The following GRID2 variants were observed in gnomAD, a reference collection of about 807,000 sequenced individuals.
GRID2 encodes glutamate receptor ionotropic, delta-2.
In GRID2, 33 loss-of-function variants were observed where a neutral mutation model predicts 114.8. The ratio of observed to expected loss-of-function variants is 0.29; its 90% CI spans 0.22 to 0.38. The LOEUF (loss-of-function observed/expected upper bound fraction) is 0.38, where lower values mean the gene tolerates loss of function less well. Among genes scored for constraint, GRID2 ranks in the 10% least tolerant of loss-of-function variants. GRID2 has a pLI of 1.00. For missense variants in GRID2, 1,184 were observed against 1,257.7 expected (o/e 0.94, Z 0.89); for synonymous variants, 505 against 449.9 (o/e 1.12, Z -1.55).
chr4:93,584,821 CA>C (rs960323232), intron 13 of GRID2, among the ~76,000 whole-genome samples: 3 of 151,812 alleles, frequency 2.0e-5, no homozygotes, highest in Non-Finnish European at 4.4e-5. Flanking sequence ...GATTAGGAAA[CA>C]AAAATCAGTC....
intron 2 of GRID2, among the ~76,000 whole-genome samples, chr4:92,746,241 C>T (rs1416155016): frequency 6.6e-6 from 1 of 152,084 alleles, no homozygotes; most frequent in Non-Finnish European, 1.5e-5. Flanking sequence ...ATTGAATAAA[C>T]TCAAGGGTAA....
intron 13 of GRID2, among the ~76,000 whole-genome samples, chr4:93,608,220 C>T (rs763799244): frequency 2.7e-5 from 4 of 149,262 alleles, no homozygotes; most frequent in East Asian, 1.9e-4. Context: ...ATTACATATG[C>T]TCCCCTGGTT....
chr4:92,670,803 G>T (rs940262744), intron 2 of GRID2, among the ~76,000 whole-genome samples: 2 of 151,916 alleles, frequency 1.3e-5, no homozygotes, highest in East Asian at 3.9e-4. Flanking sequence ...AGAAAACCGG[G>T]GCTTAGAGAG....
chr4:93,522,827 C>A (rs559866368), intron 13 of GRID2, among the ~76,000 whole-genome samples: 1 of 152,164 alleles, frequency 6.6e-6, no homozygotes, highest in Non-Finnish European at 1.5e-5. Flanking sequence ...GATTTGGTAG[C>A]TCAGGTAGTA....
chr4:92,738,397 C>CA (rs1258085580), intron 2 of GRID2, among the ~76,000 whole-genome samples: 1 of 151,996 alleles, frequency 6.6e-6, no homozygotes, highest in African/African-American at 2.4e-5. Flanking sequence ...TCAGAAATCA[C>CA]AAAAATTTAG....
intron 2 of GRID2, among the ~76,000 whole-genome samples, chr4:93,018,222 GAAA>G (rs3078566): frequency 0.052 from 7,210 of 139,398 alleles, 289 homozygotes; most frequent in East Asian, 0.15. Context: ...GTATTTTGTT[GAAA>G]AAAAAAAAAA....
intron 1 of GRID2, among the ~76,000 whole-genome samples, chr4:92,418,312 A>C (rs1050128165): frequency 6.6e-6 from 1 of 152,108 alleles, no homozygotes; most frequent in African/African-American, 2.4e-5. Flanking sequence ...ACTGAAATGG[A>C]ATACACTGCA....
intron 14 of GRID2, among the ~76,000 whole-genome samples, chr4:93,658,930 A>G (rs1035457897): frequency 2.8e-4 from 43 of 152,296 alleles, no homozygotes; most frequent in Admixed American, 2.2e-3. Context: ...TTAGCAGAGC[A>G]TGGCTCAGAG....
chr4:92,746,059 C>T (rs1464918179), intron 2 of GRID2, among the ~76,000 whole-genome samples: 1 of 152,070 alleles, frequency 6.6e-6, no homozygotes, highest in African/African-American at 2.4e-5. Context: ...CATCCAGCCA[C>T]TTTTTAACTC....
intron 13 of GRID2, among the ~76,000 whole-genome samples, chr4:93,617,959 C>T (rs747339466): frequency 1.5e-4 from 23 of 151,676 alleles, no homozygotes; most frequent in South Asian, 8.3e-4. Flanking sequence ...TTTTTTGAGC[C>T]GTGGTATGGG....
At chr4:93,332,334 TG>T (rs1758587799) in intron 8 of GRID2, among the ~76,000 whole-genome samples, 1 of 137,750 alleles carries the variant, frequency 7.3e-6, no homozygotes, top group South Asian at 2.4e-4. Flanking sequence ...GAACTGGGAA[TG>T]TTTGCATTCC....
At chr4:93,059,441 C>CTGTCAGTATGG (rs1215014367) in intron 2 of GRID2, among the ~76,000 whole-genome samples, 1 of 152,064 alleles carries the variant, frequency 6.6e-6, no homozygotes, top group African/African-American at 2.4e-5. Flanking sequence ...TTCCATCATG[C>CTGTCAGTATGG]TCACTAGTGG....
intron 14 of GRID2, among the ~76,000 whole-genome samples, chr4:93,758,225 T>C (rs1732919991): frequency 6.6e-6 from 1 of 152,180 alleles, no homozygotes; most frequent in Non-Finnish European, 1.5e-5. Context: ...AAAAAAATAG[T>C]TTAGACTTCC....
chr4:92,380,156 T>A (rs111449822), intron 1 of GRID2, among the ~76,000 whole-genome samples: 4,650 of 151,980 alleles, frequency 0.031, 230 homozygotes, highest in African/African-American at 0.11. Flanking sequence ...TTTTTACTTT[T>A]TTTTTGTATC....
At chr4:92,356,150 A>T (rs183208979) in intron 1 of GRID2, among the ~76,000 whole-genome samples, 90 of 151,664 alleles carry the variant, frequency 5.9e-4, no homozygotes, top group African/African-American at 2.0e-3. Flanking sequence ...TTCATATTTT[A>T]AAAAAATGTG....
intron 2 of GRID2, among the ~76,000 whole-genome samples, chr4:92,884,105 C>T (rs1054407922): frequency 6.6e-6 from 1 of 152,196 alleles, no homozygotes; most frequent in Non-Finnish European, 1.5e-5. Context: ...AGCTAGACCT[C>T]TGGATAATTT....
At chr4:92,447,035 C>G (rs1733506749) in intron 1 of GRID2, among the ~76,000 whole-genome samples, 1 of 152,144 alleles carries the variant, frequency 6.6e-6, no homozygotes, top group South Asian at 2.1e-4. Flanking sequence ...ACTCAGAATC[C>G]TATGATTCTA....
At chr4:92,626,414 A>G (rs948602298) in intron 2 of GRID2, among the ~76,000 whole-genome samples, 1 of 151,970 alleles carries the variant, frequency 6.6e-6, no homozygotes, top group Admixed American at 6.6e-5. Context: ...TGCACAAAGG[A>G]CTATCAGTAG....
At chr4:93,753,420 T>C (rs745974030) in intron 14 of GRID2, among the ~76,000 whole-genome samples, 1 of 152,188 alleles carries the variant, frequency 6.6e-6, no homozygotes, top group Non-Finnish European at 1.5e-5. Context: ...TTTATACATG[T>C]GCCATGTTGG....
Sources: allele counts gnomAD v4.1 joint callset (sites outside exome capture counted in the v4.1 genomes callset), GRCh38; gene constraint gnomAD v4.1.1; transcripts MANE v1.5; gene names NCBI Gene and HGNC (gene_info 2026-07-23, HGNC 2026-07-21).